The following SGK1 variants were observed in gnomAD, a reference collection of about 807,000 sequenced individuals.
SGK1 encodes the protein serum/glucocorticoid regulated kinase 1.
Under a neutral mutation model 64.2 loss-of-function variants are expected in SGK1, and 26 were observed. The ratio of observed to expected loss-of-function variants is 0.40; its 90% confidence interval spans 0.30 to 0.56. SGK1 has a LOEUF of 0.56. Ranked by LOEUF, SGK1 falls within the 20% of genes least tolerant of loss-of-function variation. The pLI is 0.38. For synonymous variants in SGK1, 265 were observed against 239.7 expected (o/e 1.11, Z -0.98); for missense variants, 519 against 645.6 (o/e 0.80, Z 2.12).
At chr6:134,172,425 GT>G (rs1775059863) in intron 9 of SGK1, 109 bp from the exon 10 acceptor site, 4 of 1,097,882 alleles carry the variant, frequency 3.6e-6, no homozygotes, top group African/African-American at 1.6e-5. Flanking sequence ...GTTCACTGTA[GT>G]TGTGTAGTGA....
At chr6:134,312,064 G>A (rs779520490) in intron 1 of SGK1, among the ~76,000 whole-genome samples, 5 of 152,116 alleles carry the variant, frequency 3.3e-5, no homozygotes, top group Non-Finnish European at 7.3e-5. Context: ...TGGCATCATC[G>A]CAGTGCACTC....
At chr6:134,243,940 T>C (rs1161532339) in intron 2 of SGK1, among the ~76,000 whole-genome samples, 2 of 152,026 alleles carry the variant, frequency 1.3e-5, no homozygotes, top group Middle Eastern at 3.4e-3. Flanking sequence ...AACAATAGTT[T>C]TATTTATTTA....
At chr6:134,268,053 G>T (rs1280288761) in intron 1 of SGK1, among the ~76,000 whole-genome samples, 1 of 152,188 alleles carries the variant, frequency 6.6e-6, no homozygotes, top group Non-Finnish European at 1.5e-5. Flanking sequence ...TTGAGAGAGT[G>T]GCTGGACCGA....
At chr6:134,210,807 G>A (rs1437460881) in intron 2 of SGK1, among the ~76,000 whole-genome samples, 9 of 112,230 alleles carry the variant, frequency 8.0e-5, no homozygotes, top group African/African-American at 3.1e-4. Context: ...GCAAGACTCC[G>A]TCTCAAAAAA....
At chr6:134,190,686 T>C (rs1357185369) in intron 3 of SGK1, among the ~76,000 whole-genome samples, 1 of 152,200 alleles carries the variant, frequency 6.6e-6, no homozygotes, top group Non-Finnish European at 1.5e-5. Context: ...TATAGGTTTT[T>C]AAAAGGTTGA....
At position 134,172,173 on chromosome 6, in the gene SGK1, C is replaced by T. The variant is rs1452535752; in HGVS notation, c.1071+20G>A. On this transcript the variant is annotated intron_variant, in intron 10 of 13. Transcript: ENST00000367858. The stretch of plus-strand genomic sequence containing the variant: ...TGGAAGGCGGGGGTAAACCAGGCAC[C>T]AAACCAAGACAGCGCCTACCTCCGG... The T allele has an allele frequency of 1.2e-6, 2 of 1,610,286 alleles. No individual in the cohort carries two copies. The highest frequency in any genetic ancestry group is 1.7e-6 in the Non-Finnish European group (2 of 1,178,828).
rs923134826 is a variant in SGK1, at chr6:134,260,382, C to CGCCA, written c.285+1550_285+1551insTGGC. The CGCCA allele has an allele frequency of 2.1e-5, 3 of 143,188 alleles. 1 individual carries two copies. In the South Asian group the frequency reaches 7.3e-4, roughly 35 times the overall value. The allele number at this position is 143,188 out of a possible 1,614,324, so 8.9% of individuals were successfully genotyped here. ...CCCTGTCCCCGACCCCCACCCCCCC[C>CGCCA]AAAAAAAGGGCCGGCGTAGTGGCTC... On this transcript the variant is annotated intron_variant, in intron 2 of 13. Coordinates refer to ENST00000367858, the MANE Select transcript of SGK1 (RefSeq NM_001143676.3).
At chr6:134,249,310 C>A (rs141990149) in intron 2 of SGK1, 4 of 152,170 alleles carry the variant, frequency 2.6e-5, no homozygotes, top group African/African-American at 9.7e-5. Flanking sequence ...GTTTTAAATG[C>A]CTTGTGAAAA....
chr6:134,254,799 T>C (rs945763283), intron 2 of SGK1, among the ~76,000 whole-genome samples: 6 of 152,210 alleles, frequency 3.9e-5, no homozygotes, highest in East Asian at 1.9e-4. Flanking sequence ...TAATGGTATA[T>C]ACATGTTCAT....
intron 2 of SGK1, among the ~76,000 whole-genome samples, chr6:134,212,556 C>G (rs1396298491): frequency 6.6e-6 from 1 of 152,104 alleles, no homozygotes; most frequent in Non-Finnish European, 1.5e-5. Flanking sequence ...CAGAAGACAT[C>G]CTTTCCAGTA....
intron 1 of SGK1, among the ~76,000 whole-genome samples, chr6:134,278,599 T>G (rs577183540): frequency 6.6e-6 from 1 of 152,208 alleles, no homozygotes; most frequent in Non-Finnish European, 1.5e-5. Flanking sequence ...GGTTTCTATT[T>G]CTGTATTCTA....
chr6:134,235,150 C>T (rs907575283), intron 2 of SGK1, among the ~76,000 whole-genome samples: 2 of 152,116 alleles, frequency 1.3e-5, no homozygotes, highest in Admixed American at 6.5e-5. Flanking sequence ...TGGCTTTGTT[C>T]GACACAGTAA....
chr6:134,204,815 A>C (rs1052611947), intron 3 of SGK1, among the ~76,000 whole-genome samples: 9 of 152,148 alleles, frequency 5.9e-5, no homozygotes, highest in Non-Finnish European at 1.3e-4. Flanking sequence ...TGGCCCCCCA[A>C]AGTGCTGGGA....
intron 3 of SGK1, among the ~76,000 whole-genome samples, chr6:134,196,817 G>T (rs1348617170): frequency 6.6e-6 from 1 of 152,242 alleles, no homozygotes; most frequent in Admixed American, 6.5e-5. Flanking sequence ...GATGGATTAA[G>T]TCTTCAAAAA....
intron 1 of SGK1, among the ~76,000 whole-genome samples, chr6:134,303,040 C>T (rs1481361109): frequency 6.6e-6 from 1 of 152,090 alleles, no homozygotes; most frequent in African/African-American, 2.4e-5. Context: ...CAGGCATGAG[C>T]CACCGTGCCC....
intron 1 of SGK1, among the ~76,000 whole-genome samples, chr6:134,264,121 C>CTT (rs61245102): frequency 2.8e-4 from 39 of 140,206 alleles, no homozygotes; most frequent in Non-Finnish European, 3.3e-4. Flanking sequence ...TCTTTTCTTT[C>CTT]TTTTTTTTTT....
chr6:134,293,533 GATA>G (rs1335122978), intron 1 of SGK1, among the ~76,000 whole-genome samples: 3 of 152,102 alleles, frequency 2.0e-5, no homozygotes, highest in Non-Finnish European at 2.9e-5. Context: ...CTCAAGATTT[GATA>G]ATATTTACTT....
intron 2 of SGK1, among the ~76,000 whole-genome samples, chr6:134,217,867 T>A (rs1347052428): frequency 6.6e-6 from 1 of 152,238 alleles, no homozygotes; most frequent in Non-Finnish European, 1.5e-5. Context: ...TGTGGTTTTA[T>A]TTCATTTGCA....
chr6:134,310,050 A>G (rs989198747), intron 1 of SGK1, among the ~76,000 whole-genome samples: 5 of 152,080 alleles, frequency 3.3e-5, no homozygotes, highest in African/African-American at 9.7e-5. Context: ...AATCTCCAAC[A>G]TGCATTTTGA....
Sources: gnomAD v4.1 joint callset for allele counts (sites outside exome capture counted in the v4.1 genomes callset) on GRCh38, gnomAD v4.1.1 for gene constraint, MANE v1.5 for transcripts, NCBI Gene and HGNC (gene_info 2026-07-23, HGNC 2026-07-21) for gene names.